The following BCO1 variants were observed in gnomAD, a reference collection of about 807,000 sequenced individuals.
BCO1 encodes the protein beta-carotene oxygenase 1, also known as beta,beta-carotene 15,15'-dioxygenase.
A neutral mutation model predicts 56.3 loss-of-function variants in BCO1; 54 were observed. That is an observed-to-expected ratio of 0.96 (90% CI 0.77 to 1.20). The LOEUF is 1.20. Ranked by LOEUF, BCO1 falls within the 50% of genes most tolerant of loss-of-function variation. The pLI is 0.00. For synonymous variants in BCO1, 318 were observed against 266.1 expected, an observed-to-expected ratio of 1.20 and a Z score of -1.90; for missense variants, 801 against 690.9, an observed-to-expected ratio of 1.16 and a Z score of -1.79.
At chr16:81,275,105 T>A (rs1174116955) in intron 7 of BCO1, among the ~76,000 whole-genome samples, 1 of 152,252 alleles carries the variant, frequency 6.6e-6, no homozygotes, top group African/African-American at 2.4e-5. Flanking sequence ...GAGCCTTACA[T>A]GCCCTGATCC....
chr16:81,264,513 T>C (rs1906686551), intron 4 of BCO1, 127 bp from the exon 5 acceptor site: 4 of 1,178,866 alleles, frequency 3.4e-6, no homozygotes, highest in Non-Finnish European at 5.1e-6. Context: ...CTCATCTCTC[T>C]GAACCTAGAA....
chr16:81,249,091 T>TC (rs1905617005), intron 2 of BCO1, among the ~76,000 whole-genome samples: 1 of 111,036 alleles, frequency 9.0e-6, no homozygotes, highest in Non-Finnish European at 1.9e-5. Flanking sequence ...TCTCTTTCTT[T>TC]CTTTTTTTTT....
At chr16:81,269,217 C>G (rs558830141) in intron 6 of BCO1, among the ~76,000 whole-genome samples, 1 of 151,820 alleles carries the variant, frequency 6.6e-6, no homozygotes, top group Non-Finnish European at 1.5e-5. Flanking sequence ...CTCCCATCCA[C>G]CCCCACGTCT....
Position 81,285,697 on chromosome 16 carries a change from A to G in BCO1, c.1302+63A>G, listed in dbSNP as rs558053007. The G allele has an allele frequency of 8.8e-5, 110 of 1,246,470 alleles. No homozygotes were observed. The African/African-American group carries it at 1.4e-3, about 16-fold the overall frequency. The allele number at this position is 1,246,470 out of a possible 1,614,324, so 77.2% of individuals were successfully genotyped here. A position where few individuals can be genotyped will look rare whatever the true frequency, so the allele number is the denominator to read the frequency against. ...TGATTGTGTCTATATGCAAAGCTGA[A>G]TTCTAAGGTTCTGAGACGTTGATTA... On this transcript the variant is annotated intron_variant, in intron 9 of 10. Coordinates refer to ENST00000258168, the MANE Select transcript of BCO1 (RefSeq NM_017429.3).
intron 1 of BCO1, among the ~76,000 whole-genome samples, chr16:81,242,192 CTT>C (rs796252592): frequency 0.037 from 2,882 of 78,706 alleles, 26 homozygotes; most frequent in African/African-American, 0.085. Flanking sequence ...ACTTGGCTGT[CTT>C]TTTTTTTTTT....
intron 7 of BCO1, among the ~76,000 whole-genome samples, chr16:81,280,649 C>T (rs746565728): frequency 1.3e-5 from 2 of 152,126 alleles, no homozygotes; most frequent in African/African-American, 2.4e-5. Flanking sequence ...GGTATGTGAC[C>T]TTGGAGGAGT....
intron 10 of BCO1, among the ~76,000 whole-genome samples, chr16:81,288,572 C>G (rs999615237): frequency 6.6e-6 from 1 of 152,086 alleles, no homozygotes; most frequent in African/African-American, 2.4e-5. Context: ...GCCTGGATCC[C>G]GGATCCAAAT....
intron 7 of BCO1, among the ~76,000 whole-genome samples, chr16:81,274,427 C>T (rs1428937013): frequency 6.6e-6 from 1 of 152,048 alleles, no homozygotes; most frequent in Non-Finnish European, 1.5e-5. Flanking sequence ...CTACACCTGG[C>T]TTATTGTTTT....
chr16:81,245,356 G>T, intron 1 of BCO1, 119 bp from the exon 2 acceptor site: 1 of 1,461,828 alleles, frequency 6.8e-7, no homozygotes, highest in South Asian at 1.1e-5. Context: ...TAGAATAAAC[G>T]AACAGATGCA....
Position 81,255,508 on chromosome 16 carries a change from TTA to T in BCO1, c.194-4166_194-4165del, listed in dbSNP as rs571076461. ...ACATTATGTTATTTTTTTTTATTTT[TTA>T]TTTTTTTGAGATGGAGTCTCGCTCT... On this transcript the variant is annotated intron_variant, in intron 2 of 10. Coordinates refer to ENST00000258168, the MANE Select transcript of BCO1 (RefSeq NM_017429.3). Among the ~76,000 whole-genome samples the T allele has an allele frequency of 3.7e-3, 564 of 151,608 alleles. 4 individuals are homozygous for T. The highest frequency in any genetic ancestry group is 0.013 in the African/African-American group (543 of 40,970).
Position 81,262,521 on chromosome 16 carries a change from A to C in BCO1, c.471+238A>C. 7 of 511,422 alleles carry C rather than the reference A, an allele frequency of 1.4e-5. No homozygotes were observed. The East Asian group carries it at 2.6e-4, about 19-fold the overall frequency. 31.7% of individuals were successfully genotyped at this position (511,422 alleles called of 1,614,324 possible). Reference sequence around the variant, plus strand: ...GCTGATGTAACCAAGTCCTACAAAAAAGATTGCTTTAAACAACAGAAATTG... The same window carrying C: ...GCTGATGTAACCAAGTCCTACAAAACAGATTGCTTTAAACAACAGAAATTG... On this transcript the variant is annotated intron_variant, in intron 4 of 10. Transcript: ENST00000258168.
At chr16:81,256,130 T>C (rs1017382339) in intron 2 of BCO1, among the ~76,000 whole-genome samples, 1 of 151,932 alleles carries the variant, frequency 6.6e-6, no homozygotes, top group African/African-American at 2.4e-5. Context: ...TTTTTTTTTT[T>C]CCAGCGAATG....
intron 1 of BCO1, 61 bp downstream of exon 1, chr16:81,239,033 T>TC: frequency 7.3e-7 from 1 of 1,377,690 alleles, no homozygotes; most frequent in Non-Finnish European, 9.9e-7. Context: ...TTTTTTTTTT[T>TC]TGAGGCGGAG....
intron 8 of BCO1, among the ~76,000 whole-genome samples, chr16:81,283,272 C>A (rs1304351550): frequency 6.6e-6 from 1 of 151,688 alleles, no homozygotes; most frequent in African/African-American, 2.4e-5. Flanking sequence ...GGAGGCCAAG[C>A]CTTAATTTCA....
chr16:81,287,451 G>C, intron 10 of BCO1, 45 bp downstream of exon 10: 1 of 1,483,566 alleles, frequency 6.7e-7, no homozygotes, highest in South Asian at 1.1e-5. Context: ...CGTTACTGCA[G>C]ATCGCCCTCC....
intron 1 of BCO1, among the ~76,000 whole-genome samples, chr16:81,242,108 C>T (rs1714365549): frequency 6.6e-6 from 1 of 151,718 alleles, no homozygotes; most frequent in Non-Finnish European, 1.5e-5. Context: ...TGCTCTTTCT[C>T]AAGCCTGCCC....
intron 1 of BCO1, 25 bp downstream of exon 1, chr16:81,238,997 C>G (rs373479971): frequency 2.4e-5 from 39 of 1,596,340 alleles, no homozygotes; most frequent in Non-Finnish European, 3.2e-5. Context: ...AAACACTGGG[C>G]TCTTTCTTCT....
intron 9 of BCO1, among the ~76,000 whole-genome samples, chr16:81,286,579 G>C (rs941401284): frequency 6.6e-6 from 1 of 152,154 alleles, no homozygotes; most frequent in Admixed American, 6.5e-5. Context: ...TTTTAGGCAG[G>C]GTGTGGTGGC....
At chr16:81,246,653 C>T (rs998970059) in intron 2 of BCO1, among the ~76,000 whole-genome samples, 1 of 151,794 alleles carries the variant, frequency 6.6e-6, no homozygotes, top group African/African-American at 2.4e-5. Context: ...GAGTTTGAGA[C>T]CAACCTGGCC....
Sources: allele counts gnomAD v4.1 joint callset (sites outside exome capture counted in the v4.1 genomes callset), GRCh38; gene constraint gnomAD v4.1.1; transcripts MANE v1.5; gene names NCBI Gene and HGNC (gene_info 2026-07-23, HGNC 2026-07-21).